Variants in HECW2 observed in about 807,000 individuals in gnomAD.
HECW2 encodes E3 ubiquitin-protein ligase HECW2.
HECW2 carries 61 observed loss-of-function variants against 175.2 expected under a neutral mutation model. The ratio of observed to expected loss-of-function variants is 0.35; its 90% CI spans 0.28 to 0.43. The LOEUF is 0.43. Ranked by LOEUF, HECW2 falls within the 20% of genes least tolerant of loss-of-function variation. The probability of loss-of-function intolerance (pLI) is 1.00; values close to 1 mark genes in which losing one functional copy is unlikely to be tolerated. For missense variants in HECW2, 1,524 were observed against 2,000.5 expected, an observed-to-expected ratio of 0.76 and a Z score of 4.54; for synonymous variants, 671 against 731.0, an observed-to-expected ratio of 0.92 and a Z score of 1.32.
At chr2:196,222,580 G>A (rs1320375609) in intron 23 of HECW2, among the ~76,000 whole-genome samples, 1 of 152,138 alleles carries the variant, frequency 6.6e-6, no homozygotes, top group Admixed American at 6.5e-5. Flanking sequence ...CATTCAGCCT[G>A]CGTCTTCCTT....
chr2:196,426,924 G>C (rs1695564383), intron 2 of HECW2, among the ~76,000 whole-genome samples: 1 of 152,148 alleles, frequency 6.6e-6, no homozygotes, highest in South Asian at 2.1e-4. Context: ...AAATATGAAA[G>C]ATGTCAAAAT....
chr2:196,510,979 G>T (rs1277823572), intron 1 of HECW2, among the ~76,000 whole-genome samples: 1 of 147,486 alleles, frequency 6.8e-6, no homozygotes, highest in African/African-American at 2.6e-5. Context: ...TTGTTTGTTT[G>T]TTTTGAGACA....
At chr2:196,308,504 A>T (rs1433543397) in intron 10 of HECW2, among the ~76,000 whole-genome samples, 2 of 152,242 alleles carry the variant, frequency 1.3e-5, no homozygotes, top group Non-Finnish European at 2.9e-5. Context: ...AAAGCCTCAT[A>T]GCTGGAGACT....
At chr2:196,473,636 T>G (rs879281345) in intron 1 of HECW2, among the ~76,000 whole-genome samples, 1 of 152,230 alleles carries the variant, frequency 6.6e-6, no homozygotes, top group Non-Finnish European at 1.5e-5. Context: ...GAAAATAGCC[T>G]ATGTCTGCCA....
chr2:196,387,959 G>C (rs1694397645), intron 2 of HECW2, among the ~76,000 whole-genome samples: 1 of 152,034 alleles, frequency 6.6e-6, no homozygotes, highest in African/African-American at 2.4e-5. Flanking sequence ...ATTAAACAAG[G>C]CTTGTAAGCA....
At chr2:196,377,726 CATGA>C (rs1694091447) in intron 2 of HECW2, among the ~76,000 whole-genome samples, 1 of 152,204 alleles carries the variant, frequency 6.6e-6, no homozygotes, top group Admixed American at 6.5e-5. Context: ...ATAGTTAATG[CATGA>C]ATGAAGCAAA....
At chr2:196,203,324 G>A (rs1686938895) in intron 28 of HECW2, among the ~76,000 whole-genome samples, 1 of 152,058 alleles carries the variant, frequency 6.6e-6, no homozygotes, top group African/African-American at 2.4e-5. Flanking sequence ...TCAAGAAAAG[G>A]TTTTACTTAT....
At chr2:196,262,060 C>G (rs1283046928) in intron 17 of HECW2, among the ~76,000 whole-genome samples, 1 of 152,204 alleles carries the variant, frequency 6.6e-6, no homozygotes, top group Non-Finnish European at 1.5e-5. Context: ...GCAGTCCTCT[C>G]TGTTGCCCAG....
At chr2:196,372,422 T>C (rs1216156989) in intron 2 of HECW2, among the ~76,000 whole-genome samples, 1 of 152,238 alleles carries the variant, frequency 6.6e-6, no homozygotes, top group East Asian at 1.9e-4. Flanking sequence ...GTTGATAATA[T>C]CCTTTGGTGG....
At chr2:196,421,010 T>C (rs1695393600) in intron 2 of HECW2, among the ~76,000 whole-genome samples, 1 of 152,154 alleles carries the variant, frequency 6.6e-6, no homozygotes, top group African/African-American at 2.4e-5. Context: ...ATTCATTATA[T>C]GCTAACTCAA....
intron 2 of HECW2, among the ~76,000 whole-genome samples, chr2:196,348,131 TG>T (rs1361017320): frequency 6.6e-6 from 1 of 152,260 alleles, no homozygotes; most frequent in East Asian, 1.9e-4. Context: ...TTAAATTTTT[TG>T]TTCACATCTT....
intron 24 of HECW2, 124 bp from the exon 25 acceptor site, chr2:196,221,065 A>G: frequency 1.0e-6 from 1 of 1,000,470 alleles, no homozygotes; most frequent in Non-Finnish European, 1.5e-6. Flanking sequence ...ACATCCCACA[A>G]GCTGGCAGTG....
At chr2:196,255,798 C>A (rs1411252599) in intron 18 of HECW2, among the ~76,000 whole-genome samples, 1 of 152,156 alleles carries the variant, frequency 6.6e-6, no homozygotes, top group Non-Finnish European at 1.5e-5. Context: ...AAGGGCTGAG[C>A]GCTGTGGCTC....
intron 1 of HECW2, among the ~76,000 whole-genome samples, chr2:196,545,799 G>A (rs1401317249): frequency 2.0e-5 from 3 of 152,116 alleles, no homozygotes; most frequent in Admixed American, 6.5e-5. Flanking sequence ...GCATCACTTG[G>A]TCCCAAGTAC....
chr2:196,404,894 G>A (rs560921567), intron 2 of HECW2, among the ~76,000 whole-genome samples: 4 of 128,868 alleles, frequency 3.1e-5, no homozygotes, highest in South Asian at 2.5e-4. Context: ...GTGCAATCTC[G>A]GCTCGCTGCA....
At chr2:196,504,978 A>G (rs1003813739) in intron 1 of HECW2, among the ~76,000 whole-genome samples, 4 of 152,200 alleles carry the variant, frequency 2.6e-5, no homozygotes, top group African/African-American at 9.7e-5. Flanking sequence ...AGCTCTACCT[A>G]TATCTGTAAA....
chr2:196,481,931 C>T (rs1686855698), intron 1 of HECW2, among the ~76,000 whole-genome samples: 1 of 152,156 alleles, frequency 6.6e-6, no homozygotes. Flanking sequence ...GAAAGAACTA[C>T]CTGCACAATG....
At chr2:196,390,436 G>T (rs1694471739) in intron 2 of HECW2, among the ~76,000 whole-genome samples, 1 of 152,158 alleles carries the variant, frequency 6.6e-6, no homozygotes, top group Non-Finnish European at 1.5e-5. Flanking sequence ...CACTTATCGT[G>T]ACTTTGCAGC....
At chr2:196,516,066 G>C (rs1419260044) in intron 1 of HECW2, among the ~76,000 whole-genome samples, 1 of 152,138 alleles carries the variant, frequency 6.6e-6, no homozygotes, top group African/African-American at 2.4e-5. Context: ...GAACCTGGGA[G>C]GTAGAGTTTG....
Sources: gnomAD v4.1 joint callset for allele counts (sites outside exome capture counted in the v4.1 genomes callset) on GRCh38, gnomAD v4.1.1 for gene constraint, MANE v1.5 for transcripts, NCBI Gene and HGNC (gene_info 2026-07-23, HGNC 2026-07-21) for gene names.